EYA1: variants seen among roughly 807,000 people sequenced by gnomAD.
EYA1 encodes EYA transcriptional coactivator and phosphatase 1.
A neutral mutation model predicts 82.0 loss-of-function variants in EYA1; 16 were observed. The observed-to-expected ratio is 0.20, with a 90% CI of 0.13 to 0.30. The LOEUF is 0.30. EYA1 is among the 10% of genes least tolerant of loss of function. The probability of loss-of-function intolerance (pLI) is 1.00; values close to 1 mark genes in which losing one functional copy is unlikely to be tolerated. For synonymous variants in EYA1, 261 were observed against 264.4 expected (o/e 0.99, Z 0.12); for missense variants, 633 against 730.7 (o/e 0.87, Z 1.54).
intron 2 of EYA1, among the ~76,000 whole-genome samples, chr8:71,530,267 G>A (rs1814158408): frequency 6.6e-6 from 1 of 152,158 alleles, no homozygotes; most frequent in East Asian, 1.9e-4. Flanking sequence ...GAAAGCCAAG[G>A]ATGGCCGGTG....
At chr8:71,541,552 A>G (rs1179162414) in intron 1 of EYA1, among the ~76,000 whole-genome samples, 1 of 152,218 alleles carries the variant, frequency 6.6e-6, no homozygotes, top group Non-Finnish European at 1.5e-5. Flanking sequence ...TATTTTCAAG[A>G]ACATTAAACC....
At chr8:71,484,757 A>C (rs528344489) in intron 2 of EYA1, among the ~76,000 whole-genome samples, 1 of 152,190 alleles carries the variant, frequency 6.6e-6, no homozygotes, top group African/African-American at 2.4e-5. Context: ...TGTCCCAGGG[A>C]GCTATTCCAC....
At chr8:71,495,560 C>G (rs1811352463) in intron 2 of EYA1, among the ~76,000 whole-genome samples, 1 of 152,100 alleles carries the variant, frequency 6.6e-6, no homozygotes, top group Admixed American at 6.5e-5. Flanking sequence ...TGCAGTGAGC[C>G]AAGATCACGC....
Position 71,334,101 on chromosome 8 carries a change from A to C in EYA1, c.198T>G (p.Gly66=), listed in dbSNP as rs1824201749. 4.3e-6 allele frequency: 7 copies of C among 1,611,912 alleles called. No homozygotes were observed. Among genetic ancestry groups the C allele is most frequent in the South Asian group, 1.1e-5 (1 of 91,042 alleles). The change falls in exon 4 of 18, where the codon GGT becomes GGG. Residue 66 remains glycine (G), a synonymous_variant. Coordinates refer to ENST00000340726, the MANE Select transcript of EYA1 (RefSeq NM_000503.6). The part of the protein sequence containing the change: ...TADGSLNNFS[G]SAIGSSSFSP... ...AATCTAATATTTATTCCTTACCTGA[A>C]CCTGAGAAATTGTTTAAAGACCCGT...
chr8:71,515,575 A>G (rs1812913682), intron 2 of EYA1, among the ~76,000 whole-genome samples: 1 of 152,122 alleles, frequency 6.6e-6, no homozygotes, highest in African/African-American at 2.4e-5. Context: ...CAAGTCTAGT[A>G]TTGTTCAAAT....
chr8:71,496,874 T>A (rs1811452376), intron 2 of EYA1, among the ~76,000 whole-genome samples: 3 of 151,498 alleles, frequency 2.0e-5, no homozygotes, highest in African/African-American at 7.3e-5. Flanking sequence ...CACATTTTTT[T>A]AACCTCACTC....
chr8:71,371,587 T>TAAGCC (rs1329424270), intron 2 of EYA1, among the ~76,000 whole-genome samples: 1 of 152,166 alleles, frequency 6.6e-6, no homozygotes, highest in Non-Finnish European at 1.5e-5. Flanking sequence ...CTGTTAAATA[T>TAAGCC]AAGCCAACAA....
chr8:71,206,456 A>G (rs931160807), intron 17 of EYA1, among the ~76,000 whole-genome samples: 3 of 152,148 alleles, frequency 2.0e-5, no homozygotes, highest in African/African-American at 4.8e-5. Flanking sequence ...CCTGGGCTCA[A>G]GTGAGCCACC....
At chr8:71,243,916 A>T (rs1563682181) in intron 12 of EYA1, among the ~76,000 whole-genome samples, 2 of 152,254 alleles carry the variant, frequency 1.3e-5, no homozygotes, top group African/African-American at 4.8e-5. Flanking sequence ...AGCGGAATTT[A>T]AATAAACAAC....
chr8:71,318,024 TAAAG>T (rs1414551320), intron 6 of EYA1, among the ~76,000 whole-genome samples: 1 of 152,210 alleles, frequency 6.6e-6, no homozygotes, highest in Non-Finnish European at 1.5e-5. Context: ...TCCTTCACAG[TAAAG>T]AAATAGCCAT....
At chr8:71,468,028 G>C (rs1808905027) in intron 2 of EYA1, among the ~76,000 whole-genome samples, 1 of 152,104 alleles carries the variant, frequency 6.6e-6, no homozygotes. Context: ...TGGTATAACT[G>C]ATCCAAGGGC....
chr8:71,518,114 C>A (rs1813119111), intron 2 of EYA1, among the ~76,000 whole-genome samples: 1 of 152,006 alleles, frequency 6.6e-6, no homozygotes, highest in South Asian at 2.1e-4. Flanking sequence ...TCCCATGGCT[C>A]AATGCATTGT....
At chr8:71,258,193 T>G (rs1178387892) in intron 11 of EYA1, among the ~76,000 whole-genome samples, 1 of 152,144 alleles carries the variant, frequency 6.6e-6, no homozygotes, top group African/African-American at 2.4e-5. Flanking sequence ...AGGCAGAAAT[T>G]TTGGCTAGGC....
chr8:71,209,787 T>TA (rs1808280221), intron 17 of EYA1, among the ~76,000 whole-genome samples: 1 of 152,218 alleles, frequency 6.6e-6, no homozygotes, highest in African/African-American at 2.4e-5. Context: ...TGCTGTTGGT[T>TA]AATCCCATAA....
At chr8:71,396,718 G>A (rs952295769) in intron 2 of EYA1, among the ~76,000 whole-genome samples, 1 of 152,110 alleles carries the variant, frequency 6.6e-6, no homozygotes, top group African/African-American at 2.4e-5. Context: ...CAACTATGTG[G>A]TCAATTTTGG....
At chr8:71,420,528 A>G (rs766827276) in intron 2 of EYA1, among the ~76,000 whole-genome samples, 2 of 152,212 alleles carry the variant, frequency 1.3e-5, no homozygotes, top group Admixed American at 6.5e-5. Context: ...CTTTTTATCT[A>G]TTACTAAAAT....
At chr8:71,265,684 A>G (rs1206287517) in intron 11 of EYA1, among the ~76,000 whole-genome samples, 1 of 152,256 alleles carries the variant, frequency 6.6e-6, no homozygotes, top group Non-Finnish European at 1.5e-5. Flanking sequence ...ATTGTTTATT[A>G]TAAGGAGACC....
At position 71,275,393 on chromosome 8, in the gene EYA1, A is replaced by G. The variant is rs554684112; in HGVS notation, c.827-3496T>C. Among the ~76,000 whole-genome samples, 95 of 152,308 alleles carry G rather than the reference A, an allele frequency of 6.2e-4. 1 individual carries two copies. The South Asian group carries it at 8.7e-3, about 14-fold the overall frequency. On this transcript the variant is annotated intron_variant, in intron 9 of 17. Transcript: ENST00000340726. ...GTGAGAATTCAGTTCCGCTTTGGAC[A>G]TATTGAATTTGAAGGGGCTGTGGGC... is the stretch of plus-strand genomic sequence containing the variant.
At chr8:71,369,637 G>C (rs567285930) in intron 2 of EYA1, among the ~76,000 whole-genome samples, 1 of 152,322 alleles carries the variant, frequency 6.6e-6, no homozygotes, top group African/African-American at 2.4e-5. Context: ...TTAAATGAGT[G>C]TGGAATGAGT....
Sources: gnomAD v4.1 joint callset for allele counts (sites outside exome capture counted in the v4.1 genomes callset) on GRCh38, gnomAD v4.1.1 for gene constraint, MANE v1.5 for transcripts, NCBI Gene and HGNC (gene_info 2026-07-23, HGNC 2026-07-21) for gene names.